The following TMPRSS15 variants were observed in gnomAD, a reference collection of about 807,000 sequenced individuals.
The protein encoded by TMPRSS15 is transmembrane serine protease 15, also known as enteropeptidase.
TMPRSS15 carries 128 observed loss-of-function variants against 125.3 expected under a neutral mutation model. That is an observed-to-expected ratio of 1.02 (90% CI 0.89 to 1.18). TMPRSS15 has a LOEUF of 1.18. Ranked by LOEUF, TMPRSS15 falls within the 50% of genes most tolerant of loss-of-function variation. The pLI is 0.00. For missense variants in TMPRSS15, 1,283 were observed against 1,212.7 expected, an observed-to-expected ratio of 1.06 and a Z score of -0.86; for synonymous variants, 446 against 423.2, an observed-to-expected ratio of 1.05 and a Z score of -0.66.
chr21:18,294,392 TC>T lies in TMPRSS15; in HGVS notation c.2363del (p.Gly788GlufsTer45), dbSNP rs1314436167. The T allele has an allele frequency of 6.2e-7, 1 of 1,614,244 alleles. No homozygotes were observed. Among genetic ancestry groups the T allele is most frequent in the South Asian group, 1.1e-5 (1 of 91,086 alleles). ...GCCAGGCCCCTTCTTTGGCATTACT[TC>T]CTCCAACAATCTTTGGGGTGATGTC... ...AQDITPKIVGGSNAKEGAWPW... is the reference protein window; with the variant it reads ...AQDITPKIVGXSNAKEGAWPW... On this transcript the variant is annotated frameshift_variant, in exon 21 of 25. Coordinates refer to ENST00000284885, the MANE Select transcript of TMPRSS15 (RefSeq NM_002772.3). LOFTEE classifies it high-confidence loss of function.
intron 1 of TMPRSS15, among the ~76,000 whole-genome samples, chr21:18,410,116 A>ATT (rs71191404): frequency 0.011 from 1,571 of 138,586 alleles, 8 homozygotes; most frequent in Non-Finnish European, 0.014. Flanking sequence ...CTGGATATGC[A>ATT]TTTTTTTTTT....
chr21:18,389,951 G>C (rs1302697739), intron 3 of TMPRSS15, among the ~76,000 whole-genome samples: 3 of 152,098 alleles, frequency 2.0e-5, no homozygotes, highest in African/African-American at 7.2e-5. Flanking sequence ...AGTCCCCTAT[G>C]ACTTTAATTT....
rs776663117 is a variant in TMPRSS15 at position 18,372,212 on chromosome 21, G to A, written c.645C>T (p.Asp215=). The A allele has an allele frequency of 5.3e-5, 85 of 1,606,910 alleles. No homozygotes were observed. Among genetic ancestry groups the A allele is most frequent in the African/African-American group, 9.4e-5 (7 of 74,354 alleles). The change falls in exon 6 of 25, where the codon GAC becomes GAT. Residue 215 remains aspartate, a synonymous_variant. Coordinates refer to ENST00000284885, the MANE Select transcript of TMPRSS15 (RefSeq NM_002772.3). The part of the protein sequence containing the change: ...DGEVNCPDGS[D]EDNKMCATVC... ...ACTTACCACACATTTTATTGTCTTC[G>A]TCAGAACCATCTGGACAGTTTACTT...
At chr21:18,303,492 T>C (rs1373544603) in intron 18 of TMPRSS15, among the ~76,000 whole-genome samples, 1 of 152,142 alleles carries the variant, frequency 6.6e-6, no homozygotes, top group East Asian at 1.9e-4. Context: ...TAATTACAAG[T>C]TGAGCAGTTG....
intron 2 of TMPRSS15, 28 bp from the exon 3 acceptor site, chr21:18,397,974 T>A: frequency 7.4e-7 from 1 of 1,357,478 alleles, no homozygotes; most frequent in Non-Finnish European, 1.0e-6. Context: ...ATTGAATGAG[T>A]ATACTAAATT....
chr21:18,307,959 T>C (rs1370415804), intron 18 of TMPRSS15, among the ~76,000 whole-genome samples: 1 of 152,158 alleles, frequency 6.6e-6, no homozygotes, highest in Non-Finnish European at 1.5e-5. Context: ...CGAAAAGTGA[T>C]GAATTGAGAC....
chr21:18,441,508 G>A (rs2076241397), intron 1 of TMPRSS15, among the ~76,000 whole-genome samples: 1 of 149,994 alleles, frequency 6.7e-6, no homozygotes, highest in African/African-American at 2.5e-5. Context: ...TCGGGAGGCT[G>A]AGGCAGAAGA....
intron 19 of TMPRSS15, among the ~76,000 whole-genome samples, chr21:18,296,993 G>A (rs2074915076): frequency 1.3e-5 from 2 of 152,116 alleles, no homozygotes; most frequent in Admixed American, 1.3e-4. Context: ...TACCAGCAAA[G>A]CATCTTAAAT....
At chr21:18,330,467 A>AT (rs1342087363) in intron 14 of TMPRSS15, among the ~76,000 whole-genome samples, 1 of 151,978 alleles carries the variant, frequency 6.6e-6, no homozygotes, top group Non-Finnish European at 1.5e-5. Context: ...CCATTATTTA[A>AT]TTTTTCTTGG....
intron 23 of TMPRSS15, 84 bp from the exon 24 acceptor site, chr21:18,275,420 C>A (rs368936114): frequency 6.6e-7 from 1 of 1,509,978 alleles, no homozygotes; most frequent in East Asian, 2.3e-5. Flanking sequence ...CCTATTTATT[C>A]CAACATTTCA....
chr21:18,381,329 T>C (rs2075890860), intron 4 of TMPRSS15, among the ~76,000 whole-genome samples: 1 of 152,112 alleles, frequency 6.6e-6, no homozygotes, highest in Non-Finnish European at 1.5e-5. Context: ...ACACTGAAGA[T>C]AAAATAAAAT....
chr21:18,355,729 A>T (rs1054422849), intron 8 of TMPRSS15, among the ~76,000 whole-genome samples: 1 of 151,834 alleles, frequency 6.6e-6, no homozygotes, highest in African/African-American at 2.4e-5. Context: ...AGTAATTCTC[A>T]TGTAAGACAG....
intron 1 of TMPRSS15, among the ~76,000 whole-genome samples, chr21:18,426,371 C>T (rs1444301475): frequency 6.6e-6 from 1 of 152,140 alleles, no homozygotes; most frequent in African/African-American, 2.4e-5. Flanking sequence ...CAAAATGAAG[C>T]TCTCACGTAA....
intron 18 of TMPRSS15, among the ~76,000 whole-genome samples, chr21:18,304,703 T>G (rs1314192808): frequency 6.6e-6 from 1 of 152,218 alleles, no homozygotes. Flanking sequence ...TGTTCACCTT[T>G]GATATTACAG....
At chr21:18,383,492 A>T in intron 4 of TMPRSS15, 135 bp downstream of exon 4, 1 of 1,018,994 alleles carries the variant, frequency 9.8e-7, no homozygotes, top group Non-Finnish European at 1.4e-6. Context: ...CACTTTTCTC[A>T]TGTAAATGTG....
intron 1 of TMPRSS15, among the ~76,000 whole-genome samples, chr21:18,482,557 A>G (rs1979001818): frequency 6.6e-6 from 1 of 151,624 alleles, no homozygotes; most frequent in South Asian, 2.1e-4. Flanking sequence ...ATAAATAAGT[A>G]AAATATTATG....
rs1485602099 is a variant in TMPRSS15 at position 18,280,587 on chromosome 21, A to AAAAACAAAAC, written c.2668+452_2668+453insGTTTTGTTTT. 3.7e-3 allele frequency among the ~76,000 whole-genome samples: 538 copies of AAAAACAAAAC among 145,562 alleles called. 5 individuals carry two copies. The highest frequency in any genetic ancestry group is 5.9e-3 in the Non-Finnish European group (402 of 67,758). On this transcript the variant is annotated intron_variant, in intron 22 of 24. Transcript: ENST00000284885. ...CGAGACTCCGTCTCAAAAAAAAAAA[A>AAAAACAAAAC]AAAAAAAACAACAAAACAACAAAAA...
intron 10 of TMPRSS15, among the ~76,000 whole-genome samples, chr21:18,348,734 A>C (rs1187504551): frequency 2.0e-5 from 3 of 152,218 alleles, no homozygotes; most frequent in Non-Finnish European, 4.4e-5. Context: ...GATTTTGAAA[A>C]TTGAGCAGAG....
At chr21:18,419,374 C>T (rs1014207018) in intron 1 of TMPRSS15, among the ~76,000 whole-genome samples, 3 of 151,738 alleles carry the variant, frequency 2.0e-5, no homozygotes, top group African/African-American at 7.3e-5. Context: ...TACAGGCGCC[C>T]GCCACCACGC....
Sources: gnomAD v4.1 joint callset for allele counts (sites outside exome capture counted in the v4.1 genomes callset) on GRCh38, gnomAD v4.1.1 for gene constraint, MANE v1.5 for transcripts, NCBI Gene and HGNC (gene_info 2026-07-23, HGNC 2026-07-21) for gene names.